The following CEP112 variants were observed in gnomAD, a reference collection of about 807,000 sequenced individuals.
CEP112 encodes centrosomal protein of 112 kDa.
Under a neutral mutation model 153.0 loss-of-function variants are expected in CEP112, and 127 were observed. That is an observed-to-expected ratio of 0.83 (90% CI 0.72 to 0.96). CEP112 has a LOEUF of 0.96. CEP112 is among the 40% of genes least tolerant of loss of function. The probability of loss-of-function intolerance (pLI) is 0.00; values close to 1 mark genes in which losing one functional copy is unlikely to be tolerated. For synonymous variants in CEP112, 358 were observed against 374.4 expected, an observed-to-expected ratio of 0.96 and a Z score of 0.51; for missense variants, 1,089 against 1,101.2, an observed-to-expected ratio of 0.99 and a Z score of 0.16.
At chr17:65,821,144 C>T (rs773917550) in intron 21 of CEP112, among the ~76,000 whole-genome samples, 6 of 150,870 alleles carry the variant, frequency 4.0e-5, no homozygotes, top group South Asian at 2.1e-4. Flanking sequence ...TTGTACAATG[C>T]TCTACACCTG....
intron 17 of CEP112, among the ~76,000 whole-genome samples, chr17:65,977,443 C>A (rs1009415251): frequency 1.3e-5 from 2 of 152,176 alleles, no homozygotes; most frequent in Non-Finnish European, 2.9e-5. Flanking sequence ...CAAACACACA[C>A]AATTTCAAAT....
chr17:65,883,081 CTT>C (rs1173760791), intron 20 of CEP112, among the ~76,000 whole-genome samples: 3 of 152,038 alleles, frequency 2.0e-5, no homozygotes, highest in Admixed American at 2.0e-4. Flanking sequence ...AGTAAGGTCT[CTT>C]TTGTTTCAGT....
intron 17 of CEP112, among the ~76,000 whole-genome samples, chr17:65,998,611 T>C (rs953327448): frequency 6.6e-6 from 1 of 151,914 alleles, no homozygotes; most frequent in African/African-American, 2.4e-5. Flanking sequence ...TATGATTTTA[T>C]AAGGCAATGA....
Position 66,030,890 on chromosome 17 carries a change from T to C in CEP112, c.1219-867A>G, listed in dbSNP as rs527640611. Among the ~76,000 whole-genome samples the C allele has an allele frequency of 3.9e-5, 6 of 152,322 alleles. No individual in the cohort carries two copies. In the South Asian group the frequency reaches 1.2e-3, roughly 32 times the overall value. On this transcript the variant is annotated intron_variant, in intron 12 of 26. Coordinates refer to ENST00000535342, the MANE Select transcript of CEP112 (RefSeq NM_001199165.4). The stretch of plus-strand genomic sequence containing the variant: ...CTATTGTGTTATTCTAAGAGAACCA[T>C]TTTAAAGATGCAGTTTAAGCATTAG...
In CEP112 at chr17:66,029,912, A is replaced by G. The variant is rs760965615; in HGVS notation, c.1330T>C (p.Cys444Arg). The G allele has an allele frequency of 1.9e-6, 3 of 1,613,790 alleles. No homozygotes were observed. Among genetic ancestry groups the G allele is most frequent in the South Asian group, 1.1e-5 (1 of 91,086 alleles). Residue 444 changes from cysteine (C) to arginine (R), a missense_variant, in exon 13 of 27, where the codon TGT becomes CGT. By Grantham distance (180) the Cys-to-Arg change is radical (BLOSUM62 -3). Transcript: ENST00000535342. ...AATTCACTACACGTTATCTGGTAAC[A>G]TCTTTCAAGTTCTGCTTTTTCTTGA... The part of the protein sequence containing the change: ...LIQEKAELER[C>R]YQITCSELQE...
At position 65,724,134 on chromosome 17, in the gene CEP112, C is replaced by A. The variant is rs568502476; in HGVS notation, c.2607+18934G>T. 3.0e-4 allele frequency among the ~76,000 whole-genome samples: 46 copies of A among 152,254 alleles called. No individual in the cohort carries two copies. The South Asian group carries it at 9.5e-3, about 32-fold the overall frequency. On this transcript the variant is annotated intron_variant, in intron 23 of 26. Coordinates refer to ENST00000535342, the MANE Select transcript of CEP112 (RefSeq NM_001199165.4). ...TAAAGCATTCCTGTAACCCACCAAC[C>A]ATCCCGGCCTTCTTGCTCCAAATCT...
intron 14 of CEP112, 130 bp downstream of exon 14, chr17:66,028,993 C>A: frequency 1.4e-6 from 1 of 707,872 alleles, no homozygotes; most frequent in Non-Finnish European, 2.2e-6. Flanking sequence ...TCCTGAAGTT[C>A]CTGTTAATTT....
chr17:65,817,004 T>C (rs2056306311), intron 21 of CEP112, among the ~76,000 whole-genome samples: 1 of 152,040 alleles, frequency 6.6e-6, no homozygotes, highest in Admixed American at 6.6e-5. Context: ...CAGCAAATGC[T>C]AGCAGTTACT....
chr17:65,755,415 C>T (rs1031251901), intron 21 of CEP112, among the ~76,000 whole-genome samples: 1 of 152,146 alleles, frequency 6.6e-6, no homozygotes. Flanking sequence ...TCCCACCAGG[C>T]CCCACATCCA....
chr17:65,679,139 T>A, intron 24 of CEP112, among the ~76,000 whole-genome samples: 1 of 80,890 alleles, frequency 1.2e-5, no homozygotes, highest in African/African-American at 5.4e-5. Context: ...CTTTTTTTTT[T>A]TTTTTTTTTT....
intron 18 of CEP112, among the ~76,000 whole-genome samples, chr17:65,941,973 T>C (rs1359446528): frequency 6.6e-6 from 1 of 152,094 alleles, no homozygotes; most frequent in Admixed American, 6.5e-5. Context: ...TAGATTTTCC[T>C]GATATGGTGC....
chr17:65,657,189 C>A (rs2046106768), intron 24 of CEP112, among the ~76,000 whole-genome samples: 1 of 152,204 alleles, frequency 6.6e-6, no homozygotes, highest in Non-Finnish European at 1.5e-5. Context: ...TTGAGATAGT[C>A]AATGACTCAT....
chr17:65,905,393 A>G (rs2060032391), intron 19 of CEP112, among the ~76,000 whole-genome samples: 1 of 152,234 alleles, frequency 6.6e-6, no homozygotes. Flanking sequence ...AATCAAAACC[A>G]CAATGAGATA....
chr17:66,059,493 GAACA>G (rs1649323925), intron 11 of CEP112, among the ~76,000 whole-genome samples: 1 of 152,080 alleles, frequency 6.6e-6, no homozygotes, highest in Admixed American at 6.6e-5. Context: ...CAAAGGACAT[GAACA>G]AACAATTCTC....
At chr17:65,906,162 T>C (rs970252396) in intron 19 of CEP112, among the ~76,000 whole-genome samples, 1 of 148,160 alleles carries the variant, frequency 6.7e-6, no homozygotes, top group Admixed American at 6.9e-5. Context: ...CAAGTTAACA[T>C]AGGAACAGAA....
At chr17:66,050,918 A>G (rs2066411564) in intron 12 of CEP112, among the ~76,000 whole-genome samples, 1 of 152,018 alleles carries the variant, frequency 6.6e-6, no homozygotes, top group South Asian at 2.1e-4. Flanking sequence ...CTTTTTCTTT[A>G]CCCTATTCCT....
intron 17 of CEP112, among the ~76,000 whole-genome samples, chr17:65,993,907 A>T (rs1401284887): frequency 6.6e-6 from 1 of 151,964 alleles, no homozygotes; most frequent in African/African-American, 2.4e-5. Flanking sequence ...AGCTGCTTAC[A>T]TGGGTGTGTT....
intron 20 of CEP112, 66 bp from the exon 21 acceptor site, chr17:65,852,100 T>C: frequency 2.8e-6 from 3 of 1,055,284 alleles, no homozygotes; most frequent in South Asian, 1.5e-5. Flanking sequence ...GAAGAACCAA[T>C]GGGCAAAAGG....
At chr17:65,959,511 G>T (rs1584044) in intron 18 of CEP112, among the ~76,000 whole-genome samples, 63,031 of 152,138 alleles carry the variant, frequency 0.41, 14,453 homozygotes, top group East Asian at 0.87. Context: ...CTCCTTGCTC[G>T]CCTTGTTGAA....
Sources: allele counts gnomAD v4.1 joint callset (sites outside exome capture counted in the v4.1 genomes callset), GRCh38; gene constraint gnomAD v4.1.1; transcripts MANE v1.5; gene names NCBI Gene and HGNC (gene_info 2026-07-23, HGNC 2026-07-21).